MEGF10: variants seen among roughly 807,000 people sequenced by gnomAD.
MEGF10 encodes multiple epidermal growth factor-like domains protein 10.
Under a neutral mutation model 147.5 loss-of-function variants are expected in MEGF10, and 86 were observed. The ratio of observed to expected loss-of-function variants is 0.58; its 90% confidence interval spans 0.49 to 0.70. The LOEUF is 0.70. Among genes scored for constraint, MEGF10 ranks in the 30% least tolerant of loss-of-function variants. The probability of loss-of-function intolerance (pLI) is 0.00; values close to 1 mark genes in which losing one functional copy is unlikely to be tolerated. For missense variants in MEGF10, 1,329 were observed against 1,487.3 expected (o/e 0.89, Z 1.75); for synonymous variants, 478 against 525.5 (o/e 0.91, Z 1.24).
rs577421369 is a variant in MEGF10, at chr5:127,427,053, A to G, written c.1693+4281A>G. ...ATACAAATTTGGAAAAGATTTGGAA[A>G]TCCCTCAGGATGTACTCCTTGGCAC... is the stretch of plus-strand genomic sequence containing the variant. On this transcript the variant is annotated intron_variant, in intron 13 of 24. Transcript: ENST00000503335. 2.6e-5 allele frequency among the ~76,000 whole-genome samples: 4 copies of G among 152,336 alleles called. No homozygotes were observed. In the East Asian group the frequency reaches 7.7e-4, roughly 29 times the overall value.
chr5:127,374,398 C>A (rs181779693), intron 5 of MEGF10, among the ~76,000 whole-genome samples: 1 of 152,214 alleles, frequency 6.6e-6, no homozygotes. Flanking sequence ...GTAGAGCAGG[C>A]AATGAAGGAT....
the MEGF10 span, among the ~76,000 whole-genome samples, chr5:127,247,880 A>G: frequency 1.3e-5 from 2 of 152,218 alleles, no homozygotes; most frequent in African/African-American, 4.8e-5. Flanking sequence ...TAAAGAAGAA[A>G]AGTCCCAGAA....
At chr5:127,272,366 C>T in the MEGF10 span, among the ~76,000 whole-genome samples, 2 of 152,042 alleles carry the variant, frequency 1.3e-5, no homozygotes, top group African/African-American at 4.8e-5. Context: ...TATAGTTTGC[C>T]TCCAGCTTTG....
chr5:127,457,140 G>A lies in MEGF10; in HGVS notation c.3245G>A (p.Ser1082Asn). ...TTGGTTATCACAGAACCTACAGTGA[G>A]TGTTGTCCAAGGAGTATTCAGCAAT... ...RNVYEVEPTV[S>N]VVQGVFSNNG... Residue 1082 changes from serine (S) to asparagine (N), a missense_variant, in exon 25 of 25, where the codon AGT becomes AAT. Coordinates refer to ENST00000503335, the MANE Select transcript of MEGF10 (RefSeq NM_001256545.2). The A allele has an allele frequency of 6.2e-7, 1 of 1,612,560 alleles. No individual in the cohort carries two copies. Among genetic ancestry groups the A allele is most frequent in the Non-Finnish European group, 8.5e-7 (1 of 1,179,422 alleles).
the MEGF10 span, among the ~76,000 whole-genome samples, chr5:127,258,683 CT>C: frequency 1.3e-5 from 2 of 152,112 alleles, no homozygotes; most frequent in Admixed American, 6.5e-5. Context: ...GTGTTCCACC[CT>C]AATGAACGGA....
the MEGF10 span, among the ~76,000 whole-genome samples, chr5:127,247,327 A>C: frequency 1.1e-3 from 3 of 2,642 alleles, 1 homozygote; most frequent in African/African-American, 3.1e-3. Flanking sequence ...AGAGAAGAAG[A>C]AGAAGAAGAA....
At chr5:127,330,807 G>T (rs1240832627) in intron 1 of MEGF10, among the ~76,000 whole-genome samples, 3 of 152,142 alleles carry the variant, frequency 2.0e-5, no homozygotes, top group African/African-American at 7.2e-5. Flanking sequence ...GGCATTCAGT[G>T]CATTGAGTGA....
chr5:127,262,989 T>C, the MEGF10 span, among the ~76,000 whole-genome samples: 1 of 152,106 alleles, frequency 6.6e-6, no homozygotes. Context: ...AAAGTAACAA[T>C]AGTAGCCATG....
chr5:127,419,100 T>G lies in MEGF10; in HGVS notation c.1306-20T>G. 9 of 1,587,312 alleles carry G rather than the reference T, an allele frequency of 5.7e-6. No homozygotes were observed. Among genetic ancestry groups the G allele is most frequent in the Non-Finnish European group, 7.7e-6 (9 of 1,170,862 alleles). ...TCAGTTGGCAAAATTGAATGCATTT[T>G]GCTACTTGTGCCTGTCTAGGGAATT... is the stretch of plus-strand genomic sequence containing the variant. On this transcript the variant is annotated intron_variant, in intron 10 of 24. Transcript: ENST00000503335.
chr5:127,373,464 T>C (rs557078981), intron 5 of MEGF10, among the ~76,000 whole-genome samples: 2 of 152,202 alleles, frequency 1.3e-5, no homozygotes, highest in Non-Finnish European at 2.9e-5. Context: ...TTGTGTCCCT[T>C]TGACATGACT....
chr5:127,421,271 C>T (rs1764991004), intron 12 of MEGF10, among the ~76,000 whole-genome samples: 1 of 152,178 alleles, frequency 6.6e-6, no homozygotes, highest in Admixed American at 6.5e-5. Flanking sequence ...TGGTTCATAT[C>T]ATGACAAAAC....
At chr5:127,425,498 G>A (rs1440247380) in intron 13 of MEGF10, among the ~76,000 whole-genome samples, 2 of 152,116 alleles carry the variant, frequency 1.3e-5, no homozygotes, top group African/African-American at 4.8e-5. Flanking sequence ...CAGTATCTAA[G>A]CCTGCTGTGA....
At chr5:127,441,478 A>AT (rs1765755144) in intron 18 of MEGF10, among the ~76,000 whole-genome samples, 1 of 152,118 alleles carries the variant, frequency 6.6e-6, no homozygotes, top group Admixed American at 6.5e-5. Flanking sequence ...ACTCATCCTT[A>AT]TTTTTTTATT....
chr5:127,249,012 A>G, the MEGF10 span, among the ~76,000 whole-genome samples: 1 of 152,040 alleles, frequency 6.6e-6, no homozygotes, highest in African/African-American at 2.4e-5. Flanking sequence ...ACTTAGAACT[A>G]TAGGAAGGAA....
At chr5:127,236,015 C>T in the MEGF10 span, among the ~76,000 whole-genome samples, 6 of 151,902 alleles carry the variant, frequency 3.9e-5, no homozygotes, top group South Asian at 1.2e-3. Context: ...GCTCTGTCAC[C>T]AGGCTGGAGT....
At chr5:127,344,671 A>G (rs1761812579) in intron 4 of MEGF10, among the ~76,000 whole-genome samples, 1 of 152,222 alleles carries the variant, frequency 6.6e-6, no homozygotes, top group Non-Finnish European at 1.5e-5. Flanking sequence ...AAAAGTTGAG[A>G]AAATTCTCCG....
chr5:127,305,069 A>T (rs1331389047), intron 1 of MEGF10, among the ~76,000 whole-genome samples: 1 of 152,212 alleles, frequency 6.6e-6, no homozygotes, highest in Non-Finnish European at 1.5e-5. Context: ...AACATGAAAA[A>T]CTGAACCTAA....
intron 23 of MEGF10, 51 bp from the exon 24 acceptor site, chr5:127,455,350 G>A (rs1387898073): frequency 5.6e-6 from 8 of 1,438,156 alleles, no homozygotes; most frequent in Non-Finnish European, 7.7e-6. Flanking sequence ...ACCAAGAAAT[G>A]ATGTTGCCAG....
the MEGF10 span, among the ~76,000 whole-genome samples, chr5:127,247,408 A>AAGGAGAAGGAGAAGGAGAAGG: frequency 1.5e-5 from 1 of 67,918 alleles, no homozygotes; most frequent in East Asian, 3.4e-4. Flanking sequence ...GAAGAAGAAG[A>AAGGAGAAGGAGAAGGAGAAGG]AGAAGAAGAA....
Sources: gnomAD v4.1 joint callset for allele counts (sites outside exome capture counted in the v4.1 genomes callset) on GRCh38, gnomAD v4.1.1 for gene constraint, MANE v1.5 for transcripts, NCBI Gene and HGNC (gene_info 2026-07-23, HGNC 2026-07-21) for gene names.